Variants in HSPA9 observed in about 807,000 individuals in gnomAD.
HSPA9 encodes the protein stress-70 protein, mitochondrial.
Under a neutral mutation model 81.5 loss-of-function variants are expected in HSPA9, and 28 were observed. The observed-to-expected ratio is 0.34, with a 90% CI of 0.25 to 0.47. The LOEUF is 0.47. HSPA9 is among the 20% of genes least tolerant of loss of function. The pLI is 1.00. For synonymous variants in HSPA9, 293 were observed against 290.4 expected, an observed-to-expected ratio of 1.01 and a Z score of -0.09; for missense variants, 678 against 838.0, an observed-to-expected ratio of 0.81 and a Z score of 2.36.
Position 138,573,746 on chromosome 5 carries a change from T to TTATCAATCA in HSPA9, c.228+8_228+16dup. 6.5e-7 allele frequency: 1 copy of TTATCAATCA among 1,529,848 alleles called. No individual in the cohort carries two copies. The highest frequency in any genetic ancestry group is 9.0e-7 in the Non-Finnish European group (1 of 1,105,074). 94.8% of individuals were successfully genotyped at this position (1,529,848 alleles called of 1,614,324 possible). Reference sequence around the variant, plus strand: ...GGACAGATTCTGGATAAGGTACTAGTTATCAATCATGCTCACCTTTGCTTG... The same window carrying TTATCAATCA: ...GGACAGATTCTGGATAAGGTACTAGTTATCAATCATATCAATCATGCTCACCTTTGCTTG... On this transcript the variant is annotated intron_variant, in intron 3 of 16. Transcript: ENST00000297185.
intron 2 of HSPA9, 52 bp from the exon 3 acceptor site, chr5:138,573,902 A>G (rs764950086): frequency 1.4e-6 from 2 of 1,399,910 alleles, no homozygotes; most frequent in Non-Finnish European, 2.0e-6. Context: ...GATAGACCAA[A>G]GTCACTGGAA....
At chr5:138,558,693 G>T in intron 11 of HSPA9, 36 bp from the exon 12 acceptor site, 1 of 1,245,732 alleles carries the variant, frequency 8.0e-7, no homozygotes, top group South Asian at 1.2e-5. Context: ...TTGTCAATGT[G>T]ATTAACCTAC....
At chr5:138,566,888 C>CT in intron 8 of HSPA9, 113 bp downstream of exon 8, 6 of 1,221,058 alleles carry the variant, frequency 4.9e-6, no homozygotes, top group Non-Finnish European at 4.9e-6. Context: ...AAAAGAGTAT[C>CT]TGTGTCTAGA....
At chr5:138,556,398 A>G (rs1561855992) in intron 16 of HSPA9, 54 bp downstream of exon 16, 1 of 1,598,706 alleles carries the variant, frequency 6.3e-7, no homozygotes, top group Non-Finnish European at 8.5e-7. Flanking sequence ...ACAGTCATCA[A>G]GAACAGTTCC....
chr5:138,565,836 G>A (rs1750749434), intron 9 of HSPA9, among the ~76,000 whole-genome samples: 1 of 152,178 alleles, frequency 6.6e-6, no homozygotes, highest in Admixed American at 6.5e-5. Context: ...AGCCTCTGGA[G>A]TGGCTGGGAC....
chr5:138,558,586 A>G lies in HSPA9; in HGVS notation c.1482T>C (p.Ala494=). ...IKVCQGEREM[A]GDNKLLGQFT... is the part of the protein sequence containing the mutation. ...ACTGTCCAAGGAGTTTGTTGTCTCCAGCCATCTCTCTTTCACCCTGACACA... is the reference window on the plus strand; with the variant it reads ...ACTGTCCAAGGAGTTTGTTGTCTCCGGCCATCTCTCTTTCACCCTGACACA... The change falls in exon 12 of 17, where the codon GCT becomes GCC. Residue 494 remains alanine, a synonymous_variant. Coordinates refer to ENST00000297185, the MANE Select transcript of HSPA9 (RefSeq NM_004134.7). 6.2e-7 allele frequency: 1 copy of G among 1,613,408 alleles called. No individual in the cohort carries two copies.
chr5:138,575,309 C>T lies in HSPA9; in HGVS notation c.10G>A (p.Ala4Thr), dbSNP rs779889509. 1.6e-5 allele frequency: 25 copies of T among 1,611,838 alleles called. No individual in the cohort carries two copies. Among genetic ancestry groups the T allele is most frequent in the Non-Finnish European group, 1.2e-5 (14 of 1,179,418 alleles). The change falls in exon 1 of 17, where the codon GCC (alanine) becomes ACC (threonine). Residue 4 changes from alanine (A) to threonine (T), a missense_variant. Physicochemically the swap from Ala to Thr is moderately conservative, Grantham distance 58. Transcript: ENST00000297185. ...AGACGGGCTGCTGCAGCTCGGCTGG[C>T]ACTTATCATGGCGGATAAATGGAGG... MIS[A>T]SRAAAARLVG...
chr5:138,566,878 A>G, intron 8 of HSPA9, 123 bp downstream of exon 8: 2 of 1,187,874 alleles, frequency 1.7e-6, no homozygotes, highest in Non-Finnish European at 2.5e-6. Flanking sequence ...AAATATTCTG[A>G]AAAGAGTATC....
At chr5:138,569,389 C>T (rs948377465) in intron 4 of HSPA9, among the ~76,000 whole-genome samples, 3 of 152,314 alleles carry the variant, frequency 2.0e-5, no homozygotes, top group East Asian at 1.9e-4. Context: ...ATTCTACTCT[C>T]TAAGACAAAT....
intron 1 of HSPA9, 110 bp downstream of exon 1, chr5:138,575,128 G>A (rs947609365): frequency 2.0e-4 from 149 of 740,668 alleles, no homozygotes; most frequent in Admixed American, 5.5e-4. Flanking sequence ...CTTCCCGCCT[G>A]ACCTATACTG....
intron 3 of HSPA9, among the ~76,000 whole-genome samples, chr5:138,572,019 C>G (rs908885837): frequency 2.2e-5 from 3 of 134,592 alleles, no homozygotes; most frequent in Admixed American, 8.8e-5. Flanking sequence ...TGCAGTGGCA[C>G]TGTCACGGCT....
chr5:138,567,793 G>T, intron 5 of HSPA9, 71 bp from the exon 6 acceptor site: 2 of 1,139,334 alleles, frequency 1.8e-6, no homozygotes, highest in Non-Finnish European at 2.6e-6. Flanking sequence ...AACAACCTGT[G>T]TCATCCTTTT....
In HSPA9 at chr5:138,554,858, A is replaced by T. The variant is rs1271484805; in HGVS notation, c.*1179T>A. On this transcript the variant is annotated 3_prime_UTR_variant, in exon 17 of 17. Transcript: ENST00000297185. The stretch of plus-strand genomic sequence containing the variant: ...ATCAGAGAATTTGGGACAAGCCAGT[A>T]CACTGAGGACAGAAAAGCAGAAATA... The T allele has an allele frequency of 6.6e-6, 1 of 152,242 alleles. No individual in the cohort carries two copies. Among genetic ancestry groups the T allele is most frequent in the East Asian group, 1.9e-4 (1 of 5,200 alleles). 9.4% of individuals were successfully genotyped at this position (152,242 alleles called of 1,614,324 possible).
intron 7 of HSPA9, 134 bp from the exon 8 acceptor site, chr5:138,567,297 T>C (rs1750787853): frequency 2.0e-6 from 2 of 989,544 alleles, no homozygotes; most frequent in Non-Finnish European, 3.1e-6. Flanking sequence ...TAAATTACCA[T>C]GGCCCAAAAG....
rs1750583706 is a variant in HSPA9, at chr5:138,558,572, A to G, written c.1496T>C (p.Leu499Pro). 6.2e-7 allele frequency: 1 copy of G among 1,608,452 alleles called. No individual in the cohort carries two copies. The highest frequency in any genetic ancestry group is 1.3e-5 in the African/African-American group (1 of 74,800). ...GEREMAGDNK[L>P]LGQFTLIGIP... ...ACCTACCAAAGTAAACTGTCCAAGG[A>G]GTTTGTTGTCTCCAGCCATCTCTCT... The change falls in exon 12 of 17, where the codon CTC (leucine) becomes CCC (proline). Residue 499 changes from leucine (L) to proline (P), a missense_variant. Around this residue, in one of 4 missense-constraint regions of HSPA9, gnomAD observed 484 missense variants for 647.5 expected, o/e 0.75. Transcript: ENST00000297185.
Position 138,566,676 on chromosome 5 carries a change from C to CA in HSPA9, c.921_922insT (p.Val308CysfsTer6). Reference sequence around the variant, plus strand: ...TTAGCCTTTTCAGCAGCTTCCCGTACCCTCTGAAGTGCCATGTTGTCTTTA... The same window carrying CA: ...TTAGCCTTTTCAGCAGCTTCCCGTACACCTCTGAAGTGCCATGTTGTCTTTA... On this transcript the variant is annotated frameshift_variant, in exon 9 of 17. Transcript: ENST00000297185. LOFTEE classifies it high-confidence loss of function. 6.2e-7 allele frequency: 1 copy of CA among 1,614,058 alleles called. No homozygotes were observed. Among genetic ancestry groups the CA allele is most frequent in the Non-Finnish European group, 8.5e-7 (1 of 1,179,928 alleles).
chr5:138,556,191 G>A, intron 16 of HSPA9, 77 bp from the exon 17 acceptor site: 1 of 1,208,638 alleles, frequency 8.3e-7, no homozygotes, highest in Non-Finnish European at 1.2e-6. Context: ...ACTCCAAGAT[G>A]AGGGACCCAC....
chr5:138,561,420 T>G (rs1750657707), intron 10 of HSPA9, among the ~76,000 whole-genome samples, 160 bp downstream of exon 10: 1 of 152,148 alleles, frequency 6.6e-6, no homozygotes, highest in Non-Finnish European at 1.5e-5. Context: ...ATTTTTCAAT[T>G]TTAACAAAAC....
Position 138,573,765 on chromosome 5 carries a change from T to G in HSPA9, c.226A>C (p.Lys76Gln), listed in dbSNP as rs772049109. 1 of 1,600,286 alleles carries G rather than the reference T, an allele frequency of 6.2e-7. No individual in the cohort carries two copies. The highest frequency in any genetic ancestry group is 1.7e-5 in the Admixed American group (1 of 59,902). Reference sequence around the variant, plus strand: ...TACTAGTTATCAATCATGCTCACCTTTGCTTGTTTACCTTCCATAACTGCC... The same window carrying G: ...TACTAGTTATCAATCATGCTCACCTGTGCTTGTTTACCTTCCATAACTGCC... ...CVAVMEGKQAKVLENAEGART... is the reference protein window; with the variant it reads ...CVAVMEGKQAQVLENAEGART... Residue 76 changes from lysine to glutamine, a missense_variant and splice_region_variant, in exon 3 of 17, where the codon AAG (lysine) becomes CAG (glutamine). Around this residue, in one of 4 missense-constraint regions of HSPA9, gnomAD observed 484 missense variants for 647.5 expected, o/e 0.75. Transcript: ENST00000297185.
Sources: allele counts gnomAD v4.1 joint callset (sites outside exome capture counted in the v4.1 genomes callset), GRCh38; gene constraint gnomAD v4.1.1; regional missense constraint gnomAD v4.1.1; transcripts MANE v1.5; gene names NCBI Gene and HGNC (gene_info 2026-07-23, HGNC 2026-07-21).